BRAF: variants seen among roughly 807,000 people sequenced by gnomAD.
The protein encoded by BRAF is serine/threonine-protein kinase B-raf.
BRAF carries 16 observed loss-of-function variants against 104.6 expected under a neutral mutation model. The observed-to-expected ratio is 0.15, with a 90% CI of 0.10 to 0.23. BRAF has a LOEUF of 0.23. BRAF is among the 10% of genes least tolerant of loss of function. BRAF has a pLI of 1.00. For synonymous variants in BRAF, 310 were observed against 341.6 expected (o/e 0.91, Z 1.02); for missense variants, 541 against 937.3 (o/e 0.58, Z 5.52).
chr7:140,713,428 C>T, the BRAF span, among the ~76,000 whole-genome samples: 1 of 152,200 alleles, frequency 6.6e-6, no homozygotes, highest in African/African-American at 2.4e-5. Flanking sequence ...CTGCATTCGT[C>T]ACGTAGCTCT....
intron 19 of BRAF, among the ~76,000 whole-genome samples, chr7:140,726,802 G>T (rs1795621584): frequency 6.6e-6 from 1 of 152,128 alleles, no homozygotes; most frequent in South Asian, 2.1e-4. Context: ...CAGTTCCAAT[G>T]AACAAAATTT....
downstream of BRAF, among the ~76,000 whole-genome samples, chr7:140,718,258 CTTTTT>C (rs1265058316): frequency 6.6e-6 from 1 of 151,478 alleles, no homozygotes; most frequent in Non-Finnish European, 1.5e-5. Flanking sequence ...CCATGCCCAG[CTTTTT>C]TTTATTTCTT....
chr7:140,873,166 CTTTTTTTTTT>C (rs1165344332), intron 1 of BRAF, among the ~76,000 whole-genome samples: 1 of 99,148 alleles, frequency 1.0e-5, no homozygotes, highest in Non-Finnish European at 1.9e-5. Flanking sequence ...CAGTCTGTGG[CTTTTTTTTTT>C]TTTTTTTTTT....
chr7:140,862,446 G>T (rs771134772), intron 1 of BRAF, among the ~76,000 whole-genome samples: 65 of 152,102 alleles, frequency 4.3e-4, no homozygotes, highest in Non-Finnish European at 8.1e-4. Context: ...GAAGAAAATA[G>T]AATAAATAAA....
chr7:140,779,205 G>C (rs1226082897), intron 12 of BRAF, among the ~76,000 whole-genome samples: 2 of 152,058 alleles, frequency 1.3e-5, no homozygotes, highest in African/African-American at 2.4e-5. Flanking sequence ...GACATGGGAG[G>C]GTGTTTCTAG....
At chr7:140,874,735 T>C (rs59228498) in intron 1 of BRAF, among the ~76,000 whole-genome samples, 10,716 of 152,014 alleles carry the variant, frequency 0.07, 1,170 homozygotes, top group African/African-American at 0.24. Context: ...AGAATCCAGG[T>C]GATATGGTTT....
intron 14 of BRAF, among the ~76,000 whole-genome samples, chr7:140,772,475 T>C (rs1799948223): frequency 6.6e-6 from 1 of 151,668 alleles, no homozygotes; most frequent in African/African-American, 2.4e-5. Context: ...TACAAAAACA[T>C]GAGCCAGGTG....
intron 1 of BRAF, among the ~76,000 whole-genome samples, chr7:140,856,483 G>C (rs567360434): frequency 1.1e-4 from 16 of 152,224 alleles, no homozygotes; most frequent in Non-Finnish European, 2.2e-4. Flanking sequence ...TTTCTACTGA[G>C]ATAACTCTGG....
intron 5 of BRAF, among the ~76,000 whole-genome samples, chr7:140,804,197 A>G (rs1285916912): frequency 2.7e-5 from 4 of 149,628 alleles, no homozygotes; most frequent in African/African-American, 9.9e-5. Context: ...TTCTTAATTC[A>G]TTTCAGTTTT....
chr7:140,850,024 A>G (rs1194119574), intron 2 of BRAF, 87 bp downstream of exon 2: 3 of 1,014,440 alleles, frequency 3.0e-6, no homozygotes, highest in Non-Finnish European at 4.6e-6. Flanking sequence ...CCACCTCCTA[A>G]AATAATCAAG....
intron 1 of BRAF, among the ~76,000 whole-genome samples, chr7:140,894,442 T>C (rs1162412566): frequency 6.6e-6 from 1 of 152,156 alleles, no homozygotes; most frequent in Non-Finnish European, 1.5e-5. Flanking sequence ...TAAATGCATT[T>C]TTTTCAATGA....
chr7:140,795,635 G>A (rs111551447), intron 7 of BRAF, among the ~76,000 whole-genome samples: 1,833 of 152,238 alleles, frequency 0.012, 34 homozygotes, highest in African/African-American at 0.041. Context: ...AATAAAACAT[G>A]TCAGAATCTG....
chr7:140,768,524 A>T (rs1799543028), intron 14 of BRAF, among the ~76,000 whole-genome samples: 1 of 152,056 alleles, frequency 6.6e-6, no homozygotes, highest in South Asian at 2.1e-4. Flanking sequence ...TCAGGGTCTC[A>T]CTTTGTCACC....
At chr7:140,922,838 G>C (rs1818371392) in intron 1 of BRAF, among the ~76,000 whole-genome samples, 1 of 152,144 alleles carries the variant, frequency 6.6e-6, no homozygotes, top group Non-Finnish European at 1.5e-5. Context: ...GGAAGCTTCA[G>C]AAAGTTAAGT....
At chr7:140,906,758 T>C (rs938753099) in intron 1 of BRAF, among the ~76,000 whole-genome samples, 6 of 152,248 alleles carry the variant, frequency 3.9e-5, no homozygotes, top group Non-Finnish European at 7.3e-5. Context: ...TGAGAATATA[T>C]GTAATTTTCT....
chr7:140,749,873 C>T (rs924924386), intron 16 of BRAF, among the ~76,000 whole-genome samples: 1 of 152,188 alleles, frequency 6.6e-6, no homozygotes. Flanking sequence ...CTTTTCTCAT[C>T]TGAGGACACC....
intron 7 of BRAF, 105 bp downstream of exon 7, chr7:140,800,257 C>T: frequency 7.7e-6 from 12 of 1,562,580 alleles, no homozygotes; most frequent in Non-Finnish European, 1.1e-5. Flanking sequence ...GGAAAAAGTC[C>T]TTAATTTAAC....
chr7:140,796,226 C>T (rs1198049541), intron 7 of BRAF, among the ~76,000 whole-genome samples: 1 of 151,948 alleles, frequency 6.6e-6, no homozygotes, highest in Non-Finnish European at 1.5e-5. Flanking sequence ...TGTTAAGGGC[C>T]TGTAATCCCA....
At chr7:140,736,670 G>A (rs1237801618) in intron 18 of BRAF, among the ~76,000 whole-genome samples, 10 of 150,036 alleles carry the variant, frequency 6.7e-5, no homozygotes, top group East Asian at 2.0e-4. Flanking sequence ...CAGGTGATCC[G>A]CCTGCCTCGG....
Sources: gnomAD v4.1 joint callset for allele counts (sites outside exome capture counted in the v4.1 genomes callset) on GRCh38, gnomAD v4.1.1 for gene constraint, MANE v1.5 for transcripts, NCBI Gene and HGNC (gene_info 2026-07-23, HGNC 2026-07-21) for gene names.